Variants in HLA-DRB5 observed in about 807,000 individuals in gnomAD.
HLA-DRB5 encodes the protein major histocompatibility complex, class II, DR beta 5, also known as DR beta-5.
In HLA-DRB5, 11 loss-of-function variants were observed where a neutral mutation model predicts 22.4. The observed-to-expected ratio is 0.49, with a 90% confidence interval of 0.31 to 0.81. The LOEUF is 0.81. Among genes scored for constraint, HLA-DRB5 ranks in the 40% least tolerant of loss-of-function variants. The pLI is 0.05. For synonymous variants in HLA-DRB5, 57 were observed against 106.0 expected (o/e 0.54, Z 2.84); for missense variants, 106 against 274.4 (o/e 0.39, Z 4.34).
Position 32,530,211 on chromosome 6 carries a change from T to A in HLA-DRB5, c.14A>T (p.Lys5Met), listed in dbSNP as rs201883078. ...TGCCATGTAGGAACCTCCAGGGAGC[T>A]TCAGACACACCATGCTGGAGAACAG... MVCL[K>M]LPGGSYMAKL... Residue 5 changes from lysine to methionine, a missense_variant, in exon 1 of 6, where the codon AAG (lysine) becomes ATG (methionine). Coordinates refer to ENST00000374975, the MANE Select transcript of HLA-DRB5 (RefSeq NM_002125.4). The A allele has an allele frequency of 3.7e-6, 5 of 1,352,724 alleles. No individual in the cohort carries two copies. In the Admixed American group the frequency reaches 5.6e-5, roughly 15 times the overall value. 83.8% of individuals were successfully genotyped at this position (1,352,724 alleles called of 1,614,324 possible).
At chr6:32,524,174 G>T (rs146002960) in intron 1 of HLA-DRB5, among the ~76,000 whole-genome samples, 11 of 90,758 alleles carry the variant, frequency 1.2e-4, no homozygotes, top group East Asian at 3.0e-4. Flanking sequence ...TGAATATCTT[G>T]GTCCTACATA....
At chr6:32,528,290 A>C (rs1370584510) in intron 1 of HLA-DRB5, among the ~76,000 whole-genome samples, 1 of 94,064 alleles carries the variant, frequency 1.1e-5, no homozygotes, top group Non-Finnish European at 2.3e-5. Flanking sequence ...TTCTTTGTTA[A>C]ATGCTTATTG....
Position 32,527,497 on chromosome 6 carries a change from CA to C in HLA-DRB5, c.100+2627del, listed in dbSNP as rs373469752. On this transcript the variant is annotated intron_variant, in intron 1 of 5. Coordinates refer to ENST00000374975, the MANE Select transcript of HLA-DRB5 (RefSeq NM_002125.4). The stretch of plus-strand genomic sequence containing the variant: ...CTGGTGACAGAGCAAGACTATATCT[CA>C]AAAAAAAAAAAAATTAAAAAATTAA... Among the ~76,000 whole-genome samples, 26 of 25,622 alleles carry C rather than the reference CA, an allele frequency of 1.0e-3. 5 individuals carry two copies. Among genetic ancestry groups the C allele is most frequent in the Admixed American group, 2.3e-3 (4 of 1,728 alleles). The allele number at this position is 25,622 out of a possible 152,430, so 16.8% of individuals were successfully genotyped here.
At chr6:32,522,260 G>C (rs114982208) in intron 1 of HLA-DRB5, 86 bp from the exon 2 acceptor site, 5,668 of 341,786 alleles carry the variant, frequency 0.017, 778 homozygotes, top group Middle Eastern at 0.046. Context: ...CTCCCTGGGC[G>C]GGGTGCGGGC....
At chr6:32,528,993 G>T (rs113462941) in intron 1 of HLA-DRB5, among the ~76,000 whole-genome samples, 14,568 of 142,336 alleles carry the variant, frequency 0.1, 9 homozygotes, top group Admixed American at 0.16. Flanking sequence ...CTAAGGATCT[G>T]TGCAAGCTTT....
rs1238720918 is a variant in HLA-DRB5 at position 32,517,466 on chromosome 6, A to AG, written c.*272dup. 7.8e-5 allele frequency: 8 copies of AG among 101,978 alleles called. 3 individuals are homozygous for AG. The highest frequency in any genetic ancestry group is 3.5e-5 in the Non-Finnish European group (2 of 56,354). 6.3% of individuals were successfully genotyped at this position (101,978 alleles called of 1,614,324 possible). A position where few individuals can be genotyped will look rare whatever the true frequency, so the allele number is the denominator to read the frequency against. ...ATAACGTAGTGCATTTGTGGCACAC[A>AG]GGGGGAGTACAGATGCATGGGAGGC... On this transcript the variant is annotated 3_prime_UTR_variant, in exon 6 of 6. Coordinates refer to ENST00000374975, the MANE Select transcript of HLA-DRB5 (RefSeq NM_002125.4).
intron 2 of HLA-DRB5, 130 bp from the exon 3 acceptor site, chr6:32,519,781 G>A: frequency 2.3e-6 from 1 of 431,364 alleles, no homozygotes; most frequent in Non-Finnish European, 3.9e-6. Flanking sequence ...CTGGCCATGA[G>A]GCCTCACAGT....
intron 2 of HLA-DRB5, among the ~76,000 whole-genome samples, chr6:32,519,856 G>A (rs544778198): frequency 0.14 from 11,427 of 81,520 alleles, 289 homozygotes; most frequent in Admixed American, 0.19. Context: ...GTGAAAAATT[G>A]TGTTTGTTTC....
chr6:32,528,224 CT>C (rs202109958), intron 1 of HLA-DRB5, among the ~76,000 whole-genome samples: 35,611 of 75,886 alleles, frequency 0.47, 10,964 homozygotes, highest in Middle Eastern at 0.6. Flanking sequence ...CCATTTCTCT[CT>C]TTTCCACAAA....
rs2150545457 is a variant in HLA-DRB5 at position 32,519,630 on chromosome 6, T to A, written c.392A>T (p.Tyr131Phe). Residue 131 changes from tyrosine to phenylalanine, a missense_variant, in exon 3 of 6, where the codon TAT (tyrosine) becomes TTT (phenylalanine). Physicochemically the swap from Tyr to Phe is conservative, Grantham distance 22. Coordinates refer to ENST00000374975, the MANE Select transcript of HLA-DRB5 (RefSeq NM_002125.4). ...CTGCAGGGTCTGGGTCCTTGCAGGA[T>A]ACACAGTCACCTTAGGCTCAACTAG... ...QRRVEPKVTV[Y>F]PARTQTLQHH... 1 of 766,480 alleles carries A rather than the reference T, an allele frequency of 1.3e-6. No individual in the cohort carries two copies. The highest frequency in any genetic ancestry group is 3.4e-5 in the East Asian group (1 of 29,704). The allele number at this position is 766,480 out of a possible 1,614,324, so 47.5% of individuals were successfully genotyped here. A position where few individuals can be genotyped will look rare whatever the true frequency, so the allele number is the denominator to read the frequency against.
At chr6:32,518,252 CT>C (rs2150537459) in intron 4 of HLA-DRB5, among the ~76,000 whole-genome samples, 175 bp from the exon 5 acceptor site, 1 of 67,388 alleles carries the variant, frequency 1.5e-5, no homozygotes, top group Admixed American at 1.7e-4. Context: ...CATGACATGT[CT>C]GTCACAGGAT....
At chr6:32,520,832 A>T (rs1279272879) in intron 2 of HLA-DRB5, among the ~76,000 whole-genome samples, 4,432 of 42,340 alleles carry the variant, frequency 0.1, 11 homozygotes, top group Non-Finnish European at 0.12. Flanking sequence ...TCAACATACA[A>T]ATCAAAAACT....
intron 1 of HLA-DRB5, among the ~76,000 whole-genome samples, chr6:32,524,752 G>T: frequency 9.8e-6 from 1 of 102,298 alleles, no homozygotes; most frequent in East Asian, 2.6e-4. Flanking sequence ...CACTGTCACT[G>T]TGGCTTGCAT....
rs182778252 is a variant in HLA-DRB5 at position 32,527,984 on chromosome 6, A to G, written c.100+2141T>C. The stretch of plus-strand genomic sequence containing the variant: ...ATGAGGCTCCCGACTTCCTCTCTGC[A>G]TCCTACCTCATCTTCTGCCACTGCA... On this transcript the variant is annotated intron_variant, in intron 1 of 5. Coordinates refer to ENST00000374975, the MANE Select transcript of HLA-DRB5 (RefSeq NM_002125.4). 2.8e-3 allele frequency among the ~76,000 whole-genome samples: 87 copies of G among 31,406 alleles called. 3 individuals carry two copies. Among genetic ancestry groups the G allele is most frequent in the South Asian group, 6.0e-3 (8 of 1,340 alleles). The allele number at this position is 31,406 out of a possible 152,430, so 20.6% of individuals were successfully genotyped here. A position where few individuals can be genotyped will look rare whatever the true frequency, so the allele number is the denominator to read the frequency against.
intron 3 of HLA-DRB5, 124 bp downstream of exon 3, chr6:32,519,246 A>G (rs77052909): frequency 0.35 from 144,060 of 406,198 alleles, 7,020 homozygotes; most frequent in Admixed American, 0.41. Flanking sequence ...GACCTGTGCT[A>G]ATGGAGATGA....
chr6:32,521,239 A>G, intron 2 of HLA-DRB5, among the ~76,000 whole-genome samples: 1 of 58,652 alleles, frequency 1.7e-5, no homozygotes, highest in Non-Finnish European at 3.4e-5. Flanking sequence ...AATTTTAATC[A>G]AAAAGTTAGT....
In HLA-DRB5 at chr6:32,521,811, T is replaced by TCACA. The variant is rs771632640; in HGVS notation, c.370+90_370+93dup. ...CTCTGTCTCTCTCTTCCTCTCTCTC[T>TCACA]CACACACACACACACACACACACAC... On this transcript the variant is annotated intron_variant, in intron 2 of 5. Coordinates refer to ENST00000374975, the MANE Select transcript of HLA-DRB5 (RefSeq NM_002125.4). The TCACA allele has an allele frequency of 3.7e-3, 922 of 248,050 alleles. 38 individuals carry two copies. The highest frequency in any genetic ancestry group is 9.4e-3 in the Admixed American group (89 of 9,472). 15.4% of individuals were successfully genotyped at this position (248,050 alleles called of 1,614,324 possible). A position where few individuals can be genotyped will look rare whatever the true frequency, so the allele number is the denominator to read the frequency against.
At chr6:32,524,610 C>CA (rs1769371544) in intron 1 of HLA-DRB5, among the ~76,000 whole-genome samples, 3 of 81,896 alleles carry the variant, frequency 3.7e-5, no homozygotes, top group Non-Finnish European at 7.7e-5. Flanking sequence ...CTTCACAAAG[C>CA]TCCGTTTGCC....
chr6:32,519,097 GC>G (rs1252444585), intron 3 of HLA-DRB5, among the ~76,000 whole-genome samples: 1,911 of 103,886 alleles, frequency 0.018, 14 homozygotes, highest in East Asian at 0.083. Context: ...AGGGTCTGGA[GC>G]CCTGGGAGAG....
Sources: gnomAD v4.1 joint callset for allele counts (sites outside exome capture counted in the v4.1 genomes callset) on GRCh38, gnomAD v4.1.1 for gene constraint, MANE v1.5 for transcripts, NCBI Gene and HGNC (gene_info 2026-07-23, HGNC 2026-07-21) for gene names.